The following PRSS23 variants were observed in gnomAD, a reference collection of about 807,000 sequenced individuals.
PRSS23 encodes serine protease 23.
PRSS23 carries 25 observed loss-of-function variants against 34.7 expected under a neutral mutation model. The observed-to-expected ratio is 0.72, with a 90% CI of 0.53 to 1.01. The LOEUF is 1.01. PRSS23 is among the 50% of genes least tolerant of loss of function. The pLI, the probability that PRSS23 is intolerant of heterozygous loss-of-function variation, is 0.00. For synonymous variants in PRSS23, 176 were observed against 186.6 expected (o/e 0.94, Z 0.46); for missense variants, 445 against 475.6 (o/e 0.94, Z 0.60).
chr11:86,916,260 G>T (rs570108675), intron 2 of PRSS23, among the ~76,000 whole-genome samples: 24 of 152,204 alleles, frequency 1.6e-4, no homozygotes, highest in Non-Finnish European at 2.2e-4. Flanking sequence ...ACGAATTTTG[G>T]TAGCTTTCTG....
In PRSS23 at chr11:86,808,357, C is replaced by A. The variant is rs566631963; in HGVS notation, c.714C>A (p.Ala238=). 8 of 1,614,044 alleles carry A rather than the reference C, an allele frequency of 5.0e-6. No individual in the cohort carries two copies. The highest frequency in any genetic ancestry group is 1.3e-5 in the African/African-American group (1 of 74,924). The stretch of plus-strand genomic sequence containing the variant: ...CCAAGGGTTGGATCAAGGGCAATGC[C>A]AATGACATCGGCATGGATTATGATT... ...HVPKGWIKGN[A]NDIGMDYDYA... The change falls in exon 2 of 2, where the codon GCC becomes GCA. Residue 238 remains alanine, a synonymous_variant. Coordinates refer to ENST00000280258, the MANE Select transcript of PRSS23 (RefSeq NM_007173.6).
intron 2 of PRSS23, among the ~76,000 whole-genome samples, chr11:86,912,716 A>G (rs908257755): frequency 6.6e-6 from 1 of 152,168 alleles, no homozygotes; most frequent in Non-Finnish European, 1.5e-5. Flanking sequence ...CACGGTTATA[A>G]TAACTACTTT....
exon 3 of PRSS23, chr11:86,952,339 C>A: frequency 6.2e-7 from 1 of 1,614,216 alleles, no homozygotes; most frequent in Non-Finnish European, 8.5e-7. Context: ...GACTCTCTGG[C>A]CAGGCAAATC....
chr11:86,840,493 C>G (rs1948439354), intron 2 of PRSS23, among the ~76,000 whole-genome samples: 1 of 152,188 alleles, frequency 6.6e-6, no homozygotes, highest in Non-Finnish European at 1.5e-5. Context: ...TACAAAGAGA[C>G]TCCCACACAA....
intron 2 of PRSS23, among the ~76,000 whole-genome samples, chr11:86,880,794 C>T (rs796147820): frequency 6.6e-6 from 1 of 152,140 alleles, no homozygotes; most frequent in South Asian, 2.1e-4. Flanking sequence ...TGGTTTCCAC[C>T]TTCATCCATG....
chr11:86,920,671 C>A (rs912030146), intron 2 of PRSS23, among the ~76,000 whole-genome samples: 2 of 151,956 alleles, frequency 1.3e-5, no homozygotes, highest in Non-Finnish European at 2.9e-5. Context: ...GATGCCCTAC[C>A]GTAAAATCAA....
chr11:86,821,343 T>G, intron 1 of PRSS23: 1 of 758,374 alleles, frequency 1.3e-6, no homozygotes, highest in Non-Finnish European at 2.2e-6. Context: ...CTGTAACTCC[T>G]AAGGTATAGT....
At chr11:86,890,121 A>T (rs993864655) in intron 2 of PRSS23, among the ~76,000 whole-genome samples, 6 of 152,058 alleles carry the variant, frequency 3.9e-5, no homozygotes, top group African/African-American at 1.2e-4. Flanking sequence ...TACAAAAAAA[A>T]TTAGCCAGGT....
chr11:86,823,036 A>T (rs1948264743), intron 1 of PRSS23, among the ~76,000 whole-genome samples: 2 of 152,192 alleles, frequency 1.3e-5, no homozygotes, highest in African/African-American at 2.4e-5. Context: ...GCCTCCAGGG[A>T]TCAAGTACCA....
At chr11:86,807,242 A>T (rs1217890670) in intron 1 of PRSS23, among the ~76,000 whole-genome samples, 1 of 152,090 alleles carries the variant, frequency 6.6e-6, no homozygotes, top group Non-Finnish European at 1.5e-5. Flanking sequence ...AGGCGGGGAC[A>T]TCATGAAGGT....
intron 2 of PRSS23, among the ~76,000 whole-genome samples, chr11:86,824,005 CAAAAAAAAAAA>C (rs55884309): frequency 0.019 from 581 of 30,542 alleles, 8 homozygotes; most frequent in Non-Finnish European, 0.026. Flanking sequence ...GACTCCGTCT[CAAAAAAAAAAA>C]AAAAAAAAAA....
chr11:86,823,481 C>T lies in PRSS23; in HGVS notation c.94C>T (p.Gln32Ter). ...GGGCTCAACAGTTTCGAATTCAATT[C>T]AACCACCACCTCCTGAATACCAACT... Residue 32 changes from glutamine (Q) to a stop codon, truncating the protein, a stop_gained, in exon 2 of 3, where the codon CAA becomes TAA. Coordinates refer to the PRSS23 transcript ENST00000533902. LOFTEE classifies it high-confidence loss of function. 1.4e-6 allele frequency: 1 copy of T among 702,468 alleles called. No individual in the cohort carries two copies. Among genetic ancestry groups the T allele is most frequent in the Non-Finnish European group, 2.6e-6 (1 of 384,940 alleles). 43.5% of individuals were successfully genotyped at this position (702,468 alleles called of 1,614,324 possible).
At chr11:86,848,288 G>A (rs1050703720) in intron 2 of PRSS23, among the ~76,000 whole-genome samples, 1 of 152,218 alleles carries the variant, frequency 6.6e-6, no homozygotes, top group Non-Finnish European at 1.5e-5. Context: ...AGCTTTAGCA[G>A]CAGCCCAGCA....
rs529809974 is a variant in PRSS23 at position 86,808,359 on chromosome 11, A to G, written c.716A>G (p.Asn239Ser). Residue 239 changes from asparagine to serine, a missense_variant, in exon 2 of 2, where the codon AAT becomes AGT. Coordinates refer to ENST00000280258, the MANE Select transcript of PRSS23 (RefSeq NM_007173.6). ...VPKGWIKGNA[N>S]DIGMDYDYAL... ...AAGGGTTGGATCAAGGGCAATGCCA[A>G]TGACATCGGCATGGATTATGATTAT... 342 of 1,614,194 alleles carry G rather than the reference A, an allele frequency of 2.1e-4. 2 individuals carry two copies. In the South Asian group the frequency reaches 2.4e-3, roughly 11 times the overall value.
intron 2 of PRSS23, among the ~76,000 whole-genome samples, chr11:86,890,034 G>A (rs1011434962): frequency 2.0e-5 from 3 of 152,144 alleles, no homozygotes; most frequent in South Asian, 2.1e-4. Flanking sequence ...TTGGGAAGCC[G>A]AGGCGTGTGG....
intron 2 of PRSS23, among the ~76,000 whole-genome samples, chr11:86,869,720 C>A (rs143889227): frequency 9.1e-4 from 138 of 152,324 alleles, no homozygotes; most frequent in African/African-American, 3.1e-3. Flanking sequence ...CTCACCACCA[C>A]CAACTGCAAT....
rs1949300957 is a variant in PRSS23 at position 86,952,286 on chromosome 11, A to T, written c.*1001A>T. On this transcript the variant is annotated 3_prime_UTR_variant, in exon 3 of 3. Coordinates refer to the PRSS23 transcript ENST00000533902. ...TTCATCACCTGGCCCTTCCATGCACATGTGGTTGTGGTCGTTCTGTGGTGG... is the reference window on the plus strand; with the variant it reads ...TTCATCACCTGGCCCTTCCATGCACTTGTGGTTGTGGTCGTTCTGTGGTGG... 1.2e-6 allele frequency: 2 copies of T among 1,614,154 alleles called. No homozygotes were observed. The highest frequency in any genetic ancestry group is 1.7e-6 in the Non-Finnish European group (2 of 1,180,006).
chr11:86,870,236 A>AT (rs34828230), intron 2 of PRSS23, among the ~76,000 whole-genome samples: 13,468 of 141,974 alleles, frequency 0.095, 664 homozygotes, highest in East Asian at 0.21. Flanking sequence ...AGAGATGGTG[A>AT]TTTTTTTTTT....
At chr11:86,799,349 T>C (rs1948003954), upstream of PRSS23, among the ~76,000 whole-genome samples, 1 of 152,174 alleles carries the variant, frequency 6.6e-6, no homozygotes, top group Non-Finnish European at 1.5e-5. Context: ...AACACCTTGG[T>C]GTGAAATAGC....
Sources: gnomAD v4.1 joint callset for allele counts (sites outside exome capture counted in the v4.1 genomes callset) on GRCh38, gnomAD v4.1.1 for gene constraint, MANE v1.5 for transcripts, NCBI Gene and HGNC (gene_info 2026-07-23, HGNC 2026-07-21) for gene names.